The following HS1BP3 variants were observed in gnomAD, a reference collection of about 807,000 sequenced individuals.
The protein encoded by HS1BP3 is HCLS1 binding protein 3.
In HS1BP3, 32 loss-of-function variants were observed where a neutral mutation model predicts 33.5. The ratio of observed to expected loss-of-function variants is 0.95; its 90% confidence interval spans 0.72 to 1.28. The LOEUF (loss-of-function observed/expected upper bound fraction) is 1.28. Among genes scored for constraint, HS1BP3 ranks in the 50% most tolerant of loss-of-function variants. The pLI, the probability that HS1BP3 is intolerant of heterozygous loss-of-function variation, is 0.00. For missense variants in HS1BP3, 486 were observed against 502.3 expected (o/e 0.97, Z 0.31); for synonymous variants, 187 against 209.2 (o/e 0.89, Z 0.92).
chr2:20,622,225 T>A, intron 6 of HS1BP3: 2 of 1,298,944 alleles, frequency 1.5e-6, no homozygotes, highest in South Asian at 2.5e-5. Flanking sequence ...GAAGTCCAAC[T>A]ACTCCCTGGA....
At chr2:20,608,912 C>G (rs1396671059) in intron 2 of HS1BP3, among the ~76,000 whole-genome samples, 1 of 152,222 alleles carries the variant, frequency 6.6e-6, no homozygotes, top group African/African-American at 2.4e-5. Flanking sequence ...CCCTGGCCCT[C>G]TCCCACAGCT....
rs80058197 is a variant in HS1BP3, at chr2:20,587,301, G to A, written c.303-26786C>T. Among the ~76,000 whole-genome samples, 1,123 of 152,266 alleles carry A rather than the reference G, an allele frequency of 7.4e-3. 13 individuals are homozygous for A. The highest frequency in any genetic ancestry group is 0.025 in the African/African-American group (1,044 of 41,546). ...GAAAAAAGGAGGCTGCAAAGCGTAC[G>A]AGCCCACTCTTAGGAAGCATGTATA... On this transcript the variant is annotated intron_variant, in intron 5 of 5. Transcript: ENST00000446825.
intron 5 of HS1BP3, among the ~76,000 whole-genome samples, chr2:20,567,650 G>A (rs909018481): frequency 2.0e-5 from 3 of 152,122 alleles, no homozygotes; most frequent in Admixed American, 1.3e-4. Flanking sequence ...ATGCCGTGGG[G>A]CCAGACAGTC....
At chr2:20,617,579 A>C (rs569058193), downstream of HS1BP3, among the ~76,000 whole-genome samples, 1 of 152,108 alleles carries the variant, frequency 6.6e-6, no homozygotes, top group African/African-American at 2.4e-5. Context: ...GAGACACTCA[A>C]CACTGATGGC....
chr2:20,625,548 T>G (rs1558341006), intron 4 of HS1BP3, among the ~76,000 whole-genome samples: 1 of 152,224 alleles, frequency 6.6e-6, no homozygotes, highest in Admixed American at 6.5e-5. Flanking sequence ...CCTTATTGTT[T>G]CCTTTGCATG....
intron 5 of HS1BP3, among the ~76,000 whole-genome samples, chr2:20,584,866 G>A (rs955413583): frequency 4.6e-5 from 7 of 152,164 alleles, no homozygotes; most frequent in Admixed American, 6.5e-5. Flanking sequence ...CTCTGGAGTC[G>A]CTAAGATGCT....
chr2:20,558,932 A>G (rs369112056), downstream of HS1BP3, among the ~76,000 whole-genome samples: 32 of 152,284 alleles, frequency 2.1e-4, no homozygotes, highest in African/African-American at 7.0e-4. Context: ...TGAGATACAC[A>G]GGGTCTGCAG....
downstream of HS1BP3, among the ~76,000 whole-genome samples, chr2:20,590,247 G>A (rs955104778): frequency 6.6e-6 from 1 of 152,172 alleles, no homozygotes; most frequent in Non-Finnish European, 1.5e-5. Flanking sequence ...GACTTGAGCC[G>A]AATTCTCATT....
chr2:20,597,743 T>A (rs1406846500), intron 3 of HS1BP3, among the ~76,000 whole-genome samples: 2 of 152,190 alleles, frequency 1.3e-5, no homozygotes, highest in Non-Finnish European at 2.9e-5. Flanking sequence ...ATTATGGAAA[T>A]CTAGATAGTT....
Position 20,561,876 on chromosome 2 carries a change from A to C in HS1BP3, c.303-1361T>G, listed in dbSNP as rs193294009. On this transcript the variant is annotated intron_variant, in intron 5 of 5. Transcript: ENST00000446825. Reference sequence around the variant, plus strand: ...GGATGAGGGCTGATTACCAGAAAGAACAAGACGTGATTAGAAGGTTGGGAC... The same window carrying C: ...GGATGAGGGCTGATTACCAGAAAGACCAAGACGTGATTAGAAGGTTGGGAC... Among the ~76,000 whole-genome samples the C allele has an allele frequency of 2.2e-3, 342 of 152,292 alleles. 1 individual carries two copies. Among genetic ancestry groups the C allele is most frequent in the African/African-American group, 7.8e-3 (324 of 41,540 alleles).
intron 3 of HS1BP3, among the ~76,000 whole-genome samples, chr2:20,638,885 C>T (rs1409815298): frequency 1.3e-5 from 2 of 152,204 alleles, no homozygotes; most frequent in African/African-American, 2.4e-5. Flanking sequence ...CAAGGGCTGA[C>T]GGGCACCAAG....
intron 5 of HS1BP3, 133 bp downstream of exon 5, chr2:20,624,599 G>C (rs932333303): frequency 1.6e-4 from 128 of 816,246 alleles, no homozygotes; most frequent in Non-Finnish European, 2.8e-5. Flanking sequence ...GCACAAAGCT[G>C]AGTCTATATC....
intron 5 of HS1BP3, among the ~76,000 whole-genome samples, chr2:20,567,338 C>A (rs59872703): frequency 0.012 from 1,831 of 152,314 alleles, 40 homozygotes; most frequent in African/African-American, 0.042. Context: ...GGCATCTCAG[C>A]CTTGCCCTCA....
intron 5 of HS1BP3, among the ~76,000 whole-genome samples, chr2:20,578,926 A>G (rs1014000802): frequency 7.2e-5 from 11 of 152,226 alleles, no homozygotes; most frequent in African/African-American, 2.7e-4. Context: ...AAATAGCCTC[A>G]GTACTACAAG....
At chr2:20,554,906 C>T in the HS1BP3 span, among the ~76,000 whole-genome samples, 1 of 152,200 alleles carries the variant, frequency 6.6e-6, no homozygotes, top group South Asian at 2.1e-4. Flanking sequence ...CAGGACAGAG[C>T]TCTAACGTTC....
At chr2:20,560,788 G>A (rs1375533610) in intron 5 of HS1BP3, among the ~76,000 whole-genome samples, 1 of 152,130 alleles carries the variant, frequency 6.6e-6, no homozygotes, top group Admixed American at 6.5e-5. Flanking sequence ...CCGACTGCAG[G>A]CAGGTCCCAA....
intron 5 of HS1BP3, among the ~76,000 whole-genome samples, chr2:20,579,299 G>A (rs907979850): frequency 3.3e-5 from 5 of 152,230 alleles, no homozygotes; most frequent in Non-Finnish European, 4.4e-5. Flanking sequence ...GGGTGCCTCC[G>A]GGAACTGTCT....
chr2:20,563,733 C>A (rs1049463236), intron 5 of HS1BP3, among the ~76,000 whole-genome samples: 1 of 152,202 alleles, frequency 6.6e-6, no homozygotes, highest in African/African-American at 2.4e-5. Context: ...CACTCGCCCA[C>A]CCCTCCACCC....
At chr2:20,629,479 CATG>C (rs1694903850) in intron 4 of HS1BP3, among the ~76,000 whole-genome samples, 1 of 152,204 alleles carries the variant, frequency 6.6e-6, no homozygotes, top group Non-Finnish European at 1.5e-5. Flanking sequence ...GACAGCTGGT[CATG>C]ATTAGAATCT....
Sources: gnomAD v4.1 joint callset for allele counts (sites outside exome capture counted in the v4.1 genomes callset) on GRCh38, gnomAD v4.1.1 for gene constraint, MANE v1.5 for transcripts, NCBI Gene and HGNC (gene_info 2026-07-23, HGNC 2026-07-21) for gene names.